Variants in RNF157 observed in about 807,000 individuals in gnomAD.
RNF157 encodes ring finger protein 157.
RNF157 carries 55 observed loss-of-function variants against 88.3 expected under a neutral mutation model. That is an observed-to-expected ratio of 0.62 (90% CI 0.50 to 0.78). RNF157 has a LOEUF of 0.78. Among genes scored for constraint, RNF157 ranks in the 30% least tolerant of loss-of-function variants. The pLI, the probability that RNF157 is intolerant of heterozygous loss-of-function variation, is 0.00. For missense variants in RNF157, 788 were observed against 860.8 expected (o/e 0.92, Z 1.06); for synonymous variants, 334 against 341.2 (o/e 0.98, Z 0.23).
chr17:76,205,014 C>T (rs180990382), intron 2 of RNF157, among the ~76,000 whole-genome samples: 9 of 151,980 alleles, frequency 5.9e-5, no homozygotes, highest in African/African-American at 1.2e-4. Flanking sequence ...TGATCTCTCC[C>T]GACCTCAAGT....
chr17:76,152,194 G>A (rs1382449303), intron 18 of RNF157, among the ~76,000 whole-genome samples, 161 bp downstream of exon 18: 1 of 152,156 alleles, frequency 6.6e-6, no homozygotes, highest in East Asian at 1.9e-4. Context: ...ACTCTCCCAG[G>A]CCTTCTTACT....
rs1421798655 is a variant in RNF157, at chr17:76,146,285, G to A, written c.1922-932C>T. 2 of 933,020 alleles carry A rather than the reference G, an allele frequency of 2.1e-6. No homozygotes were observed. The highest frequency in any genetic ancestry group is 2.6e-6 in the Non-Finnish European group (2 of 782,214). The allele number at this position is 933,020 out of a possible 1,614,324, so 57.8% of individuals were successfully genotyped here. On this transcript the variant is annotated intron_variant, in intron 18 of 18. Transcript: ENST00000269391. This position sits in a 1 kb window ranked among gnomAD's most constrained non-coding sequence, Gnocchi z 4.2. ...TTCTCACCCATCAGATGGGACATGC[G>A]TACTGACCTCACGGGCTTGCTGTGA...
chr17:76,227,121 T>G (rs995397927), intron 1 of RNF157, among the ~76,000 whole-genome samples: 3 of 151,336 alleles, frequency 2.0e-5, no homozygotes, highest in Non-Finnish European at 4.4e-5. Context: ...TTTTTTGTTT[T>G]TTTTTTTTTT....
chr17:76,232,138 T>G (rs1021700960), intron 1 of RNF157, among the ~76,000 whole-genome samples: 6 of 152,202 alleles, frequency 3.9e-5, no homozygotes, highest in Non-Finnish European at 5.9e-5. Context: ...ATTCCTGCAC[T>G]TTGAGAGGCC....
At position 76,172,607 on chromosome 17, in the gene RNF157, C is replaced by CAAAAAAAAAA. The variant is rs35297368; in HGVS notation, c.296+1085_296+1094dup. On this transcript the variant is annotated intron_variant, in intron 3 of 18. Transcript: ENST00000269391. ...GGGCAACAAGAGCAAAACTCCATCT[C>CAAAAAAAAAA]AAAAAAAAAAAAAAAAAAAAAAAAA... 6.3e-5 allele frequency among the ~76,000 whole-genome samples: 2 copies of CAAAAAAAAAA among 31,704 alleles called. 1 individual carries two copies. Among genetic ancestry groups the CAAAAAAAAAA allele is most frequent in the African/African-American group, 2.5e-4 (2 of 8,076 alleles). The allele number at this position is 31,704 out of a possible 152,430, so 20.8% of individuals were successfully genotyped here. A position where few individuals can be genotyped will look rare whatever the true frequency, so the allele number is the denominator to read the frequency against.
intron 1 of RNF157, among the ~76,000 whole-genome samples, chr17:76,238,172 T>C (rs1463530739): frequency 6.6e-6 from 1 of 152,032 alleles, no homozygotes; most frequent in African/African-American, 2.4e-5. Context: ...ACTAATACTG[T>C]AATCCCATAA....
At position 76,173,727 on chromosome 17, in the gene RNF157, G is replaced by A. The variant is rs1334675924; in HGVS notation, c.271C>T (p.Arg91Ter). The change falls in exon 3 of 19, where the codon CGA (arginine) becomes TGA (stop). Residue 91 changes from arginine to a stop codon, truncating the protein, a stop_gained. Transcript: ENST00000269391. LOFTEE classifies it high-confidence loss of function. ...TTGACGAGCCTCAGTGTGTCCTTTCGGATATTGACCAGGCTTCTCAGAGTC... is the reference window on the plus strand; with the variant it reads ...TTGACGAGCCTCAGTGTGTCCTTTCAGATATTGACCAGGCTTCTCAGAGTC... ...VKTLRSLVNI[R>*]KDTLRLVKCA... 1.9e-6 allele frequency: 3 copies of A among 1,609,854 alleles called. No homozygotes were observed. The highest frequency in any genetic ancestry group is 1.1e-5 in the South Asian group (1 of 90,312).
At chr17:76,182,378 C>A (rs148283447) in intron 2 of RNF157, among the ~76,000 whole-genome samples, 1 of 151,980 alleles carries the variant, frequency 6.6e-6, no homozygotes, top group African/African-American at 2.4e-5. Context: ...GATGAAATTG[C>A]CAGACCATGC....
At chr17:76,150,512 G>A (rs1444118057) in intron 18 of RNF157, among the ~76,000 whole-genome samples, 2 of 152,082 alleles carry the variant, frequency 1.3e-5, no homozygotes, top group African/African-American at 2.4e-5. Flanking sequence ...AAAAAAATAG[G>A]GGTGGGTAAG....
chr17:76,220,149 C>A (rs1338894860), intron 1 of RNF157, among the ~76,000 whole-genome samples: 3 of 151,974 alleles, frequency 2.0e-5, no homozygotes, highest in African/African-American at 7.3e-5. Flanking sequence ...CTAACAGGAA[C>A]AAGGGCTCTT....
chr17:76,150,800 T>C (rs867093889), intron 18 of RNF157, among the ~76,000 whole-genome samples: 4 of 152,244 alleles, frequency 2.6e-5, no homozygotes, highest in Non-Finnish European at 4.4e-5. Flanking sequence ...CAATTAGGAA[T>C]GGGAGCCTTG....
In RNF157 at chr17:76,161,950, G is replaced by C; in HGVS notation, c.845C>G (p.Ser282Trp). 1 of 1,614,182 alleles carries C rather than the reference G, an allele frequency of 6.2e-7. No individual in the cohort carries two copies. The highest frequency in any genetic ancestry group is 8.5e-7 in the Non-Finnish European group (1 of 1,180,036). ...DNSAECVVCL[S>W]DVRDTLILPC... ...CAGAATCAAGGTGTCCCGGACATCC[G>C]AGAGACACACCACACACTCGGCACT... The change falls in exon 10 of 19, where the codon TCG (serine) becomes TGG (tryptophan). Residue 282 changes from serine (S) to tryptophan (W), a missense_variant. Transcript: ENST00000269391. The surrounding 1 kb of genome is among the most constrained non-coding windows in gnomAD (Gnocchi z 4.6).
At position 76,161,977 on chromosome 17, in the gene RNF157, T is replaced by G. The variant is rs1337748920; in HGVS notation, c.818A>C (p.Asn273Thr). 1 of 1,614,022 alleles carries G rather than the reference T, an allele frequency of 6.2e-7. No individual in the cohort carries two copies. Among genetic ancestry groups the G allele is most frequent in the South Asian group, 1.1e-5 (1 of 91,060 alleles). ...SKVAEDEVSD[N>T]SAECVVCLSD... The stretch of plus-strand genomic sequence containing the variant: ...GAGACACACCACACACTCGGCACTG[T>G]TATCACTCACTTCGTCTTCAGCCAC... The change falls in exon 10 of 19, where the codon AAC becomes ACC. Residue 273 changes from asparagine to threonine, a missense_variant. Transcript: ENST00000269391. This position sits in a 1 kb window ranked among gnomAD's most constrained non-coding sequence, Gnocchi z 4.6.
chr17:76,188,660 T>G (rs1345550545), intron 2 of RNF157, among the ~76,000 whole-genome samples: 1 of 152,236 alleles, frequency 6.6e-6, no homozygotes, highest in Non-Finnish European at 1.5e-5. Flanking sequence ...AAGTTTATAA[T>G]TCTCAGTCTG....
chr17:76,182,363 C>T (rs980136429), intron 2 of RNF157, among the ~76,000 whole-genome samples: 2 of 151,842 alleles, frequency 1.3e-5, no homozygotes, highest in African/African-American at 4.8e-5. Context: ...CACCTGGTGA[C>T]GAAAGATGAA....
At chr17:76,165,386 G>T in intron 7 of RNF157, 116 bp downstream of exon 7, 1 of 987,694 alleles carries the variant, frequency 1.0e-6, no homozygotes, top group Non-Finnish European at 1.6e-6. Context: ...CACCATTATA[G>T]CCTCTAAAGC....
chr17:76,190,123 T>A (rs529035009), intron 2 of RNF157, among the ~76,000 whole-genome samples: 1 of 152,154 alleles, frequency 6.6e-6, no homozygotes, highest in Admixed American at 6.5e-5. Context: ...CACTGATACT[T>A]ATTACCCTTA....
intron 2 of RNF157, chr17:76,175,834 A>C (rs1369996946): frequency 2.1e-6 from 2 of 971,600 alleles, no homozygotes; most frequent in East Asian, 2.3e-4. Context: ...AGAGAGAAAA[A>C]TAAAAAGAAA....
intron 1 of RNF157, among the ~76,000 whole-genome samples, chr17:76,222,995 G>A (rs972533847): frequency 4.0e-5 from 6 of 151,516 alleles, no homozygotes; most frequent in Non-Finnish European, 8.8e-5. Context: ...GGTTCACGCC[G>A]TTCTCCTGCC....
Sources: allele counts gnomAD v4.1 joint callset (sites outside exome capture counted in the v4.1 genomes callset), GRCh38; gene constraint gnomAD v4.1.1; non-coding constraint Gnocchi (gnomAD v3.1); transcripts MANE v1.5; gene names NCBI Gene and HGNC (gene_info 2026-07-23, HGNC 2026-07-21).